The following NDST3 variants were observed in gnomAD, a reference collection of about 807,000 sequenced individuals.
NDST3 encodes bifunctional heparan sulfate N-deacetylase/N-sulfotransferase 3.
In NDST3, 58 loss-of-function variants were observed where a neutral mutation model predicts 96.1. The ratio of observed to expected loss-of-function variants is 0.60; its 90% confidence interval spans 0.49 to 0.75. The LOEUF is 0.75. NDST3 is among the 30% of genes least tolerant of loss of function. The pLI is 0.00. For synonymous variants in NDST3, 333 were observed against 359.7 expected (o/e 0.93, Z 0.84); for missense variants, 788 against 1,034.2 (o/e 0.76, Z 3.27).
intron 6 of NDST3, among the ~76,000 whole-genome samples, chr4:118,172,900 T>C (rs1201176402): frequency 3.3e-5 from 5 of 152,162 alleles, no homozygotes; most frequent in Non-Finnish European, 7.4e-5. Context: ...CATTAACTCT[T>C]TCTAAAAGTC....
chr4:118,163,953 C>G (rs7435948), intron 6 of NDST3, among the ~76,000 whole-genome samples: 123,917 of 151,912 alleles, frequency 0.82, 52,860 homozygotes, highest in South Asian at 0.95. Context: ...TCCTCAAACA[C>G]CTAAAGACAG....
chr4:118,244,535 G>A (rs192865459), intron 12 of NDST3, among the ~76,000 whole-genome samples: 31 of 152,006 alleles, frequency 2.0e-4, no homozygotes, highest in African/African-American at 7.5e-4. Context: ...ATAGTAAACT[G>A]TAAACCAATA....
intron 1 of NDST3, among the ~76,000 whole-genome samples, chr4:118,043,872 A>T (rs1035825901): frequency 1.3e-5 from 2 of 152,228 alleles, no homozygotes; most frequent in Non-Finnish European, 2.9e-5. Flanking sequence ...ATTTTAATGT[A>T]TGCATTTAAA....
chr4:118,098,392 A>G (rs1729512496), intron 2 of NDST3, among the ~76,000 whole-genome samples: 1 of 152,040 alleles, frequency 6.6e-6, no homozygotes, highest in African/African-American at 2.4e-5. Context: ...TTCTTTTAAA[A>G]AGTACATTAG....
intron 6 of NDST3, among the ~76,000 whole-genome samples, chr4:118,189,156 C>T (rs763203816): frequency 1.3e-5 from 2 of 151,922 alleles, no homozygotes; most frequent in Non-Finnish European, 2.9e-5. Context: ...CTCAAGTGAC[C>T]CTCCCACCCC....
chr4:118,251,936 TC>T (rs993210312), intron 12 of NDST3, among the ~76,000 whole-genome samples: 3 of 152,152 alleles, frequency 2.0e-5, no homozygotes, highest in Non-Finnish European at 4.4e-5. Flanking sequence ...ATGGTATAGC[TC>T]CCTTTTTTTC....
intron 3 of NDST3, among the ~76,000 whole-genome samples, chr4:118,111,804 T>G (rs1318907335): frequency 4.6e-5 from 7 of 151,904 alleles, no homozygotes; most frequent in East Asian, 1.9e-4. Flanking sequence ...TCTTGCATGA[T>G]TCAAATATAT....
At chr4:118,102,815 T>C (rs1729871372) in intron 2 of NDST3, among the ~76,000 whole-genome samples, 1 of 152,124 alleles carries the variant, frequency 6.6e-6, no homozygotes, top group Non-Finnish European at 1.5e-5. Context: ...TTATCTTAAG[T>C]ATATAAAATA....
intron 7 of NDST3, among the ~76,000 whole-genome samples, chr4:118,225,313 T>A (rs750257402): frequency 1.8e-4 from 28 of 152,150 alleles, no homozygotes; most frequent in Admixed American, 5.2e-4. Context: ...AGGAACAACT[T>A]TGAATTTAAA....
chr4:118,158,467 G>A (rs1560686148), intron 6 of NDST3, among the ~76,000 whole-genome samples: 2 of 152,096 alleles, frequency 1.3e-5, no homozygotes, highest in South Asian at 2.1e-4. Flanking sequence ...AAAAAAGAAG[G>A]AGAGTTCTTC....
At chr4:118,237,893 A>C (rs1002812573) in intron 10 of NDST3, among the ~76,000 whole-genome samples, 2 of 140,576 alleles carry the variant, frequency 1.4e-5, no homozygotes, top group East Asian at 3.9e-4. Flanking sequence ...GTTTGAGCCC[A>C]GTTCAGGTGG....
chr4:118,120,773 G>A (rs1264350601), intron 4 of NDST3, among the ~76,000 whole-genome samples: 1 of 152,076 alleles, frequency 6.6e-6, no homozygotes, highest in Non-Finnish European at 1.5e-5. Context: ...CACCATCCCA[G>A]CTGTCATATT....
chr4:118,131,819 T>C (rs1345860555), intron 4 of NDST3, among the ~76,000 whole-genome samples: 3 of 152,156 alleles, frequency 2.0e-5, no homozygotes, highest in African/African-American at 7.2e-5. Flanking sequence ...AGAGGTACCA[T>C]CTTGGTGGTC....
chr4:118,060,725 CT>C (rs527464669), intron 2 of NDST3, among the ~76,000 whole-genome samples: 9 of 150,688 alleles, frequency 6.0e-5, no homozygotes, highest in South Asian at 2.1e-4. Context: ...TATTTTATCT[CT>C]TTTTTTTTAG....
At chr4:118,210,723 C>G (rs1325181891) in intron 6 of NDST3, among the ~76,000 whole-genome samples, 1 of 148,716 alleles carries the variant, frequency 6.7e-6, no homozygotes, top group East Asian at 2.1e-4. Context: ...TTGCAGTGAG[C>G]CTAGATTGCA....
rs545667823 is a variant in NDST3 at position 118,206,053 on chromosome 4, C to T, written c.1540-18438C>T. On this transcript the variant is annotated intron_variant, in intron 6 of 13. Transcript: ENST00000296499. ...TTCACCGTGTTAGCCAGGATGGTCTCGATCTCCTGACCTCGTGATCCGCCC... is the reference window on the plus strand; with the variant it reads ...TTCACCGTGTTAGCCAGGATGGTCTTGATCTCCTGACCTCGTGATCCGCCC... Among the ~76,000 whole-genome samples the T allele has an allele frequency of 1.1e-4, 15 of 142,770 alleles. 4 individuals carry two copies. The South Asian group carries it at 1.9e-3, about 18-fold the overall frequency. The allele number at this position is 142,770 out of a possible 152,430, so 93.7% of individuals were successfully genotyped here.
intron 6 of NDST3, among the ~76,000 whole-genome samples, chr4:118,183,220 G>A (rs561299343): frequency 2.2e-3 from 336 of 152,286 alleles, no homozygotes; most frequent in Non-Finnish European, 3.8e-3. Flanking sequence ...CTTTTCATCT[G>A]TTGTTCCAGA....
chr4:118,161,741 G>C (rs1056821975), intron 6 of NDST3, among the ~76,000 whole-genome samples: 18 of 152,168 alleles, frequency 1.2e-4, no homozygotes, highest in Non-Finnish European at 2.1e-4. Context: ...CAGTATTAGG[G>C]TGGGAGTGAC....
chr4:118,120,977 A>G (rs532621171), intron 4 of NDST3, among the ~76,000 whole-genome samples: 1 of 151,472 alleles, frequency 6.6e-6, no homozygotes, highest in Non-Finnish European at 1.5e-5. Context: ...CCCTCTGTCC[A>G]TGAGCCATTT....
Sources: gnomAD v4.1 joint callset for allele counts (sites outside exome capture counted in the v4.1 genomes callset) on GRCh38, gnomAD v4.1.1 for gene constraint, MANE v1.5 for transcripts, NCBI Gene and HGNC (gene_info 2026-07-23, HGNC 2026-07-21) for gene names.